The following ZBBX variants were observed in gnomAD, a reference collection of about 807,000 sequenced individuals.
The protein encoded by ZBBX is zinc finger B-box domain containing, also known as zinc finger B-box domain-containing protein 1.
A neutral mutation model predicts 108.5 loss-of-function variants in ZBBX; 101 were observed. The ratio of observed to expected loss-of-function variants is 0.93; its 90% confidence interval spans 0.79 to 1.10. ZBBX has a LOEUF of 1.10. Among genes scored for constraint, ZBBX ranks in the 50% least tolerant of loss-of-function variants. ZBBX has a pLI of 0.00. For synonymous variants in ZBBX, 356 were observed against 323.4 expected (o/e 1.10, Z -1.08); for missense variants, 1,009 against 941.4 (o/e 1.07, Z -0.94).
At chr3:167,246,979 T>C (rs1239187105) in intron 20 of ZBBX, among the ~76,000 whole-genome samples, 2 of 152,148 alleles carry the variant, frequency 1.3e-5, no homozygotes, top group African/African-American at 2.4e-5. Flanking sequence ...TCTTACTGTA[T>C]GTAGGAAGTG....
chr3:167,195,266 C>T, the ZBBX span, among the ~76,000 whole-genome samples: 1 of 152,182 alleles, frequency 6.6e-6, no homozygotes, highest in Non-Finnish European at 1.5e-5. Context: ...CTACAATTCT[C>T]TGATGGTTTT....
chr3:167,224,775 A>T, the ZBBX span, among the ~76,000 whole-genome samples: 117 of 152,006 alleles, frequency 7.7e-4, 1 homozygote, highest in South Asian at 3.5e-3. Context: ...GTTACAAAAA[A>T]TCTTGCAAAT....
At chr3:167,248,925 T>C (rs749154675) in intron 20 of ZBBX, among the ~76,000 whole-genome samples, 92 of 152,220 alleles carry the variant, frequency 6.0e-4, no homozygotes, top group Non-Finnish European at 4.8e-4. Context: ...TCATCGGGGC[T>C]CAGGGATAAG....
At chr3:167,236,614 T>C (rs1720240432), downstream of ZBBX, among the ~76,000 whole-genome samples, 1 of 151,780 alleles carries the variant, frequency 6.6e-6, no homozygotes, top group Non-Finnish European at 1.5e-5. Flanking sequence ...CCTGTTTTTC[T>C]CACTACATAT....
rs1366005299 is a variant in ZBBX at position 167,348,376 on chromosome 3, AG to A, written c.528+2043del. On this transcript the variant is annotated intron_variant, in intron 9 of 21. Coordinates refer to ENST00000675490, the MANE Select transcript of ZBBX (RefSeq NM_001199201.2). ...AGAAAGAAAGAAAGAAAGAAAAAAA[AG>A]AAAAGAAAAGAAGAAGGAGGGAGGG... Among the ~76,000 whole-genome samples the A allele has an allele frequency of 8.5e-5, 11 of 129,286 alleles. 1 individual carries two copies. The highest frequency in any genetic ancestry group is 7.9e-4 in the South Asian group (3 of 3,820). The allele number at this position is 129,286 out of a possible 152,430, so 84.8% of individuals were successfully genotyped here. A position where few individuals can be genotyped will look rare whatever the true frequency, so the allele number is the denominator to read the frequency against.
intron 20 of ZBBX, among the ~76,000 whole-genome samples, chr3:167,252,510 C>T (rs534830296): frequency 6.6e-6 from 1 of 151,602 alleles, no homozygotes; most frequent in Non-Finnish European, 1.5e-5. Flanking sequence ...GTTGATTAGC[C>T]TGATATGTCA....
the ZBBX span, among the ~76,000 whole-genome samples, chr3:167,208,763 C>T: frequency 1.3e-5 from 2 of 152,150 alleles, no homozygotes; most frequent in Non-Finnish European, 2.9e-5. Context: ...AAGAGAGTCT[C>T]CTTCTGCCTG....
intron 1 of ZBBX, among the ~76,000 whole-genome samples, chr3:167,394,534 G>A (rs1165746841): frequency 6.6e-6 from 1 of 151,474 alleles, no homozygotes; most frequent in Non-Finnish European, 1.5e-5. Context: ...ATGCTATTCT[G>A]TCCTTTCATC....
At chr3:167,243,748 CT>C (rs148483655) in intron 20 of ZBBX, among the ~76,000 whole-genome samples, 17,940 of 70,770 alleles carry the variant, frequency 0.25, 1,131 homozygotes, top group East Asian at 0.47. Context: ...GTGGACTTGA[CT>C]TTTTTTTTTT....
intron 1 of ZBBX, among the ~76,000 whole-genome samples, chr3:167,390,871 T>A (rs1748065193): frequency 6.6e-6 from 1 of 152,172 alleles, no homozygotes; most frequent in African/African-American, 2.4e-5. Flanking sequence ...CTTATCAGCT[T>A]AAGCAGTTTT....
At chr3:167,344,552 T>A (rs902354881) in intron 9 of ZBBX, among the ~76,000 whole-genome samples, 2 of 151,726 alleles carry the variant, frequency 1.3e-5, no homozygotes, top group African/African-American at 2.4e-5. Flanking sequence ...AAGACTGCTA[T>A]CAAATCCTCT....
intron 20 of ZBBX, among the ~76,000 whole-genome samples, chr3:167,261,747 T>TATA (rs1724564903): frequency 7.4e-6 from 1 of 134,386 alleles, no homozygotes; most frequent in African/African-American, 2.9e-5. Flanking sequence ...GTTTGAAAAC[T>TATA]TGTCCCAGGC....
At chr3:167,234,958 G>A (rs527626225), downstream of ZBBX, among the ~76,000 whole-genome samples, 6 of 151,704 alleles carry the variant, frequency 4.0e-5, no homozygotes, top group East Asian at 5.8e-4. Context: ...TCATCGTGAC[G>A]GCTAAAAAAT....
chr3:167,322,238 C>G lies in ZBBX; in HGVS notation c.863-1G>C. On this transcript the variant is annotated splice_acceptor_variant, in intron 11 of 21. Coordinates refer to ENST00000675490, the MANE Select transcript of ZBBX (RefSeq NM_001199201.2). LOFTEE classifies it high-confidence loss of function. Reference sequence around the variant, plus strand: ...TGTACTTCGCATTCTTCCAATGAGTCTGTAAAAATAAACACAATGTGCATA... The same window carrying G: ...TGTACTTCGCATTCTTCCAATGAGTGTGTAAAAATAAACACAATGTGCATA... 4.1e-6 allele frequency: 6 copies of G among 1,446,446 alleles called. No individual in the cohort carries two copies. Among genetic ancestry groups the G allele is most frequent in the Non-Finnish European group, 5.5e-6 (6 of 1,099,010 alleles). The allele number at this position is 1,446,446 out of a possible 1,614,324, so 89.6% of individuals were successfully genotyped here.
intron 20 of ZBBX, among the ~76,000 whole-genome samples, chr3:167,246,761 C>T (rs149617710): frequency 6.6e-6 from 1 of 152,264 alleles, no homozygotes; most frequent in East Asian, 1.9e-4. Context: ...CAAAAACTGA[C>T]AAAGTGTCTT....
chr3:167,388,825 A>G (rs183243480), intron 1 of ZBBX, among the ~76,000 whole-genome samples: 13 of 152,188 alleles, frequency 8.5e-5, no homozygotes, highest in Non-Finnish European at 5.9e-5. Context: ...AAAGACAGAA[A>G]ATGAAAGCAC....
rs1191695839 is a variant in ZBBX, at chr3:167,379,735, T to C, written c.-229A>G. 6.6e-6 allele frequency: 1 copy of C among 152,050 alleles called. No homozygotes were observed. Among genetic ancestry groups the C allele is most frequent in the Non-Finnish European group, 1.5e-5 (1 of 67,998 alleles). The allele number at this position is 152,050 out of a possible 1,614,324, so 9.4% of individuals were successfully genotyped here. On this transcript the variant is annotated 5_prime_UTR_variant, in exon 2 of 22. Coordinates refer to ENST00000675490, the MANE Select transcript of ZBBX (RefSeq NM_001199201.2). ...CACCCCGCACCATAGCCCTTACTTGTGAGGAGTAGACTTCAAGAAGTAAGT... is the reference window on the plus strand; with the variant it reads ...CACCCCGCACCATAGCCCTTACTTGCGAGGAGTAGACTTCAAGAAGTAAGT...
intron 20 of ZBBX, among the ~76,000 whole-genome samples, chr3:167,249,203 CA>C (rs1722134264): frequency 6.6e-6 from 1 of 151,904 alleles, no homozygotes; most frequent in African/African-American, 2.4e-5. Context: ...AGGAAGGAAC[CA>C]TTCATTTCTA....
chr3:167,179,292 T>C, the ZBBX span, among the ~76,000 whole-genome samples: 1 of 152,242 alleles, frequency 6.6e-6, no homozygotes, highest in Non-Finnish European at 1.5e-5. Flanking sequence ...ATTTGGCAAG[T>C]TGGGCATTGC....
Sources: gnomAD v4.1 joint callset for allele counts (sites outside exome capture counted in the v4.1 genomes callset) on GRCh38, gnomAD v4.1.1 for gene constraint, MANE v1.5 for transcripts, NCBI Gene and HGNC (gene_info 2026-07-23, HGNC 2026-07-21) for gene names.